PCDHA5: variants seen among roughly 807,000 people sequenced by gnomAD.
PCDHA5 encodes the protein protocadherin alpha 5.
Under a neutral mutation model 61.6 loss-of-function variants are expected in PCDHA5, and 43 were observed. That is an observed-to-expected ratio of 0.70 (90% CI 0.55 to 0.90). PCDHA5 has a LOEUF of 0.90. Ranked by LOEUF, PCDHA5 falls within the 40% of genes least tolerant of loss-of-function variation. PCDHA5 has a pLI of 0.00. For missense variants in PCDHA5, 1,298 were observed against 1,222.7 expected, an observed-to-expected ratio of 1.06 and a Z score of -0.92; for synonymous variants, 627 against 543.9, an observed-to-expected ratio of 1.15 and a Z score of -2.13.
chr5:140,930,423 A>G (rs1366004853), intron 1 of PCDHA5: 3 of 151,862 alleles, frequency 2.0e-5, no homozygotes, highest in African/African-American at 7.3e-5. Flanking sequence ...GGGTCTCACT[A>G]TGTTGCCCAG....
chr5:140,884,563 T>TAAGACG (rs2060266286), intron 1 of PCDHA5: 9 of 1,614,032 alleles, frequency 5.6e-6, no homozygotes, highest in Non-Finnish European at 7.6e-6. Context: ...AGGGCCCGCA[T>TAAGACG]AAGACGGACC....
intron 1 of PCDHA5, chr5:140,966,785 A>G: frequency 6.6e-7 from 1 of 1,522,872 alleles, no homozygotes. Flanking sequence ...GGCGGGCACC[A>G]GACCTGCGGC....
At chr5:140,848,292 C>T in intron 1 of PCDHA5, 3 of 640,268 alleles carry the variant, frequency 4.7e-6, no homozygotes, top group Non-Finnish European at 8.2e-6. Context: ...ACACTTTGGG[C>T]CACGTGATGT....
At chr5:140,853,449 G>C (rs1331170631) in intron 1 of PCDHA5, 1 of 979,994 alleles carries the variant, frequency 1.0e-6, no homozygotes, top group East Asian at 1.1e-4. Flanking sequence ...TGCCTAATAG[G>C]TCTCCTTATA....
At chr5:140,850,475 G>C (rs2150485791) in intron 1 of PCDHA5, 7 of 1,597,894 alleles carry the variant, frequency 4.4e-6, no homozygotes, top group Middle Eastern at 1.7e-4. Flanking sequence ...CAGCGCTGAC[G>C]GCCACGGCCA....
intron 1 of PCDHA5, among the ~76,000 whole-genome samples, chr5:140,942,118 A>C (rs554488765): frequency 1.3e-5 from 2 of 152,360 alleles, no homozygotes; most frequent in East Asian, 3.9e-4. Flanking sequence ...AAACTTTATT[A>C]AAGGTGATAT....
Position 141,009,922 on chromosome 5 carries a change from C to G in PCDHA5, c.2796C>G (p.Asp932Glu), listed in dbSNP as rs1554262572. 6.2e-7 allele frequency: 1 copy of G among 1,608,774 alleles called. No individual in the cohort carries two copies. Among genetic ancestry groups the G allele is most frequent in the South Asian group, 1.1e-5 (1 of 90,050 alleles). The change falls in exon 4 of 4, where the codon GAC becomes GAG. Residue 932 changes from aspartate to glutamate, a missense_variant. Coordinates refer to ENST00000529859, the MANE Select transcript of PCDHA5 (RefSeq NM_018908.3). ...AAGAGAAAGGGAACAGCACGACTGACAACAGTGACCAGTGAGGTCCTCAAA... is the reference window on the plus strand; with the variant it reads ...AAGAGAAAGGGAACAGCACGACTGAGAACAGTGACCAGTGAGGTCCTCAAA... ...EKKEKGNSTT[D>E]NSDQ
chr5:140,967,404 A>C (rs2096137449), intron 1 of PCDHA5: 1 of 1,612,076 alleles, frequency 6.2e-7, no homozygotes, highest in Non-Finnish European at 8.5e-7. Flanking sequence ...GTGCTGCGTA[A>C]GGGCCTAGAC....
At chr5:140,943,409 T>C (rs1460668622) in intron 1 of PCDHA5, among the ~76,000 whole-genome samples, 1 of 152,078 alleles carries the variant, frequency 6.6e-6, no homozygotes, top group Non-Finnish European at 1.5e-5. Flanking sequence ...AAATTCAGAC[T>C]AGAGGCAAGG....
Position 141,011,434 on chromosome 5 carries a change from C to T in PCDHA5, c.*1497C>T, listed in dbSNP as rs934032017. The T allele has an allele frequency of 6.5e-6, 1 of 153,726 alleles. No homozygotes were observed. Among genetic ancestry groups the T allele is most frequent in the Non-Finnish European group, 1.5e-5 (1 of 68,038 alleles). 9.5% of individuals were successfully genotyped at this position (153,726 alleles called of 1,614,324 possible). ...ATGTGAATGTTAATGCAACTATTAC[C>T]TAGAGTGAACTTTAAGCTTTATTGT... On this transcript the variant is annotated 3_prime_UTR_variant, in exon 4 of 4. Coordinates refer to ENST00000529859, the MANE Select transcript of PCDHA5 (RefSeq NM_018908.3).
At chr5:140,886,368 C>T (rs1174734883) in intron 1 of PCDHA5, among the ~76,000 whole-genome samples, 2 of 152,040 alleles carry the variant, frequency 1.3e-5, no homozygotes, top group South Asian at 4.1e-4. Context: ...GGTGTACATG[C>T]CATGGTGTGC....
intron 1 of PCDHA5, chr5:140,866,668 AT>A (rs2049485821): frequency 1.3e-5 from 2 of 152,156 alleles, no homozygotes; most frequent in African/African-American, 2.4e-5. Flanking sequence ...TCAAGAAATA[AT>A]AGCACTAGGT....
chr5:140,844,854 T>C (rs1315515801), intron 1 of PCDHA5, among the ~76,000 whole-genome samples: 10 of 149,524 alleles, frequency 6.7e-5, no homozygotes, highest in African/African-American at 2.4e-4. Context: ...CTGTTGGACC[T>C]GCCTGGATAT....
chr5:140,849,588 C>A (rs2150441639), intron 1 of PCDHA5: 12 of 1,598,674 alleles, frequency 7.5e-6, no homozygotes, highest in Non-Finnish European at 1.0e-5. Flanking sequence ...GGACGCACAA[C>A]TGGGGACAGT....
intron 1 of PCDHA5, among the ~76,000 whole-genome samples, chr5:140,887,589 T>C (rs1271786236): frequency 6.6e-6 from 1 of 152,120 alleles, no homozygotes; most frequent in Non-Finnish European, 1.5e-5. Context: ...CTTTTGCAGA[T>C]TGATTGTGAT....
chr5:140,844,241 C>T (rs1267423212), intron 1 of PCDHA5, among the ~76,000 whole-genome samples: 3 of 149,082 alleles, frequency 2.0e-5, no homozygotes, highest in African/African-American at 7.4e-5. Flanking sequence ...TCACTATTGC[C>T]GTTTTAAGCA....
intron 1 of PCDHA5, among the ~76,000 whole-genome samples, chr5:140,973,418 T>G (rs1235123458): frequency 6.6e-6 from 1 of 152,212 alleles, no homozygotes; most frequent in East Asian, 1.9e-4. Flanking sequence ...CCACTCCAGT[T>G]TTTCATCCTC....
At chr5:140,931,044 CT>C (rs781930381) in intron 1 of PCDHA5, among the ~76,000 whole-genome samples, 67 of 152,264 alleles carry the variant, frequency 4.4e-4, no homozygotes, top group South Asian at 2.7e-3. Flanking sequence ...GCAAGAAAAA[CT>C]TCAATGCTGT....
intron 3 of PCDHA5, among the ~76,000 whole-genome samples, chr5:140,998,568 A>AG (rs1167593072): frequency 3.1e-5 from 3 of 96,370 alleles, no homozygotes; most frequent in African/African-American, 1.3e-4. Context: ...ATTGTAAATA[A>AG]GTTTTTTTTT....
Sources: allele counts gnomAD v4.1 joint callset (sites outside exome capture counted in the v4.1 genomes callset), GRCh38; gene constraint gnomAD v4.1.1; transcripts MANE v1.5; gene names NCBI Gene and HGNC (gene_info 2026-07-23, HGNC 2026-07-21).